The following ZDHHC2 variants were observed in gnomAD, a reference collection of about 807,000 sequenced individuals.
ZDHHC2 encodes the protein zDHHC palmitoyltransferase 2.
In ZDHHC2, 51 loss-of-function variants were observed where a neutral mutation model predicts 55.6. The observed-to-expected ratio is 0.92, with a 90% CI of 0.73 to 1.16. The LOEUF is 1.16. ZDHHC2 is among the 50% of genes most tolerant of loss of function. ZDHHC2 has a pLI of 0.00. For missense variants in ZDHHC2, 491 were observed against 442.4 expected, an observed-to-expected ratio of 1.11 and a Z score of -0.99; for synonymous variants, 199 against 152.9, an observed-to-expected ratio of 1.30 and a Z score of -2.22.
chr8:17,215,872 T>C (rs779446968), intron 11 of ZDHHC2, among the ~76,000 whole-genome samples: 3 of 152,214 alleles, frequency 2.0e-5, no homozygotes, highest in Non-Finnish European at 4.4e-5. Flanking sequence ...CTTCAGTCAG[T>C]GTAGTTTGTT....
At chr8:17,207,818 G>T in intron 7 of ZDHHC2, 142 bp from the exon 8 acceptor site, 1 of 604,802 alleles carries the variant, frequency 1.7e-6, no homozygotes, top group East Asian at 3.6e-5. Context: ...TTTTCCTAAA[G>T]TTTTAACATA....
intron 11 of ZDHHC2, 44 bp downstream of exon 11, chr8:17,215,393 T>A: frequency 6.7e-7 from 1 of 1,496,186 alleles, no homozygotes; most frequent in East Asian, 2.5e-5. Flanking sequence ...TATTTTATTT[T>A]TAGAAGGTAA....
chr8:17,221,264 G>A lies in ZDHHC2; in HGVS notation c.*1043G>A, dbSNP rs1426114000. 5 of 152,468 alleles carry A rather than the reference G, an allele frequency of 3.3e-5. No individual in the cohort carries two copies. The highest frequency in any genetic ancestry group is 3.3e-4 in the Admixed American group (5 of 15,264). 9.4% of individuals were successfully genotyped at this position (152,468 alleles called of 1,614,324 possible). A position where few individuals can be genotyped will look rare whatever the true frequency, so the allele number is the denominator to read the frequency against. The stretch of plus-strand genomic sequence containing the variant: ...AAATCATACAACTTTTGGAAAGTTA[G>A]TTCAACATGAACTAAAATGGCATGC... On this transcript the variant is annotated 3_prime_UTR_variant, in exon 13 of 13. Transcript: ENST00000262096.
chr8:17,170,427 A>T (rs989880296), intron 1 of ZDHHC2, among the ~76,000 whole-genome samples: 1 of 152,248 alleles, frequency 6.6e-6, no homozygotes, highest in Non-Finnish European at 1.5e-5. Flanking sequence ...TGTAGGAATT[A>T]CATCCTTATA....
intron 6 of ZDHHC2, among the ~76,000 whole-genome samples, chr8:17,200,068 T>C (rs1192762845): frequency 6.6e-6 from 1 of 152,128 alleles, no homozygotes; most frequent in Non-Finnish European, 1.5e-5. Flanking sequence ...GTCTTCTTAA[T>C]TCTCCTTACA....
Position 17,221,515 on chromosome 8 carries a change from CAACT to C in ZDHHC2, c.*1297_*1300del, listed in dbSNP as rs1299896741. 9.8e-5 allele frequency: 15 copies of C among 152,322 alleles called. No homozygotes were observed. The highest frequency in any genetic ancestry group is 3.4e-3 in the Middle Eastern group (1 of 292). 9.4% of individuals were successfully genotyped at this position (152,322 alleles called of 1,614,324 possible). A position where few individuals can be genotyped will look rare whatever the true frequency, so the allele number is the denominator to read the frequency against. On this transcript the variant is annotated 3_prime_UTR_variant, in exon 13 of 13. Transcript: ENST00000262096. The stretch of plus-strand genomic sequence containing the variant: ...AGCAGATTACCTTTTAAAACTGGAC[CAACT>C]AAGTAATTGGTATTTAATCAAAGAG...
intron 1 of ZDHHC2, among the ~76,000 whole-genome samples, chr8:17,181,063 G>C (rs776176710): frequency 6.6e-6 from 1 of 152,104 alleles, no homozygotes; most frequent in Non-Finnish European, 1.5e-5. Flanking sequence ...GATTACTTTC[G>C]CTTTTTTCAA....
rs1807238424 is a variant in ZDHHC2, at chr8:17,208,949, A to T, written c.730+857A>T. Among the ~76,000 whole-genome samples the T allele has an allele frequency of 2.0e-5, 3 of 152,302 alleles. No individual in the cohort carries two copies. In the South Asian group the frequency reaches 6.2e-4, roughly 32 times the overall value. ...TATCCTAGGATGAAGAATGCTAAGG[A>T]TCTTGCAAATGACCACATTTTTTCA... On this transcript the variant is annotated intron_variant, in intron 8 of 12. Coordinates refer to ENST00000262096, the MANE Select transcript of ZDHHC2 (RefSeq NM_016353.5).
At chr8:17,156,883 A>G in intron 1 of ZDHHC2, 30 bp downstream of exon 1, 2 of 1,472,316 alleles carry the variant, frequency 1.4e-6, no homozygotes, top group Non-Finnish European at 1.8e-6. Context: ...CGGCGCCCCC[A>G]GCGCAGCGCA....
chr8:17,210,289 G>C, intron 9 of ZDHHC2, 99 bp from the exon 10 acceptor site: 1 of 1,261,760 alleles, frequency 7.9e-7, no homozygotes. Context: ...TTTTTGCCTA[G>C]AGTATAGCAT....
At chr8:17,188,711 A>G (rs1399065002) in intron 3 of ZDHHC2, among the ~76,000 whole-genome samples, 2 of 152,180 alleles carry the variant, frequency 1.3e-5, no homozygotes, top group East Asian at 3.9e-4. Context: ...TCAGATTAAT[A>G]TATTAGCCTG....
intron 1 of ZDHHC2, among the ~76,000 whole-genome samples, chr8:17,161,467 A>G (rs1372664044): frequency 6.6e-6 from 1 of 152,218 alleles, no homozygotes; most frequent in East Asian, 1.9e-4. Flanking sequence ...GGTTTTGCCA[A>G]CTGTTTTAAA....
chr8:17,193,767 A>G (rs1402877723), intron 3 of ZDHHC2, among the ~76,000 whole-genome samples: 1 of 147,576 alleles, frequency 6.8e-6, no homozygotes, highest in Non-Finnish European at 1.5e-5. Flanking sequence ...TCAGTGGCTT[A>G]TTAGCATTTT....
intron 1 of ZDHHC2, among the ~76,000 whole-genome samples, chr8:17,164,981 G>A (rs1193643917): frequency 6.6e-6 from 1 of 152,208 alleles, no homozygotes; most frequent in African/African-American, 2.4e-5. Context: ...TCCTCTCAAA[G>A]AGCTGAATCA....
At chr8:17,179,200 A>AC (rs1253316719) in intron 1 of ZDHHC2, among the ~76,000 whole-genome samples, 11 of 151,916 alleles carry the variant, frequency 7.2e-5, no homozygotes, top group Admixed American at 7.2e-4. Flanking sequence ...CTATGCTCTC[A>AC]CCTTGGCCTC....
At position 17,220,422 on chromosome 8, in the gene ZDHHC2, A is replaced by G. The variant is rs1183257846; in HGVS notation, c.*201A>G. ...TGGATCCAATACACACATTGTTACAACTAACACAAATTCCTATTAAATATT... is the reference window on the plus strand; with the variant it reads ...TGGATCCAATACACACATTGTTACAGCTAACACAAATTCCTATTAAATATT... On this transcript the variant is annotated 3_prime_UTR_variant, in exon 13 of 13. Coordinates refer to ENST00000262096, the MANE Select transcript of ZDHHC2 (RefSeq NM_016353.5). 2 of 152,196 alleles carry G rather than the reference A, an allele frequency of 1.3e-5. No individual in the cohort carries two copies. Among genetic ancestry groups the G allele is most frequent in the Admixed American group, 6.5e-5 (1 of 15,276 alleles). The allele number at this position is 152,196 out of a possible 1,614,324, so 9.4% of individuals were successfully genotyped here.
At chr8:17,169,510 A>G (rs991273258) in intron 1 of ZDHHC2, among the ~76,000 whole-genome samples, 1 of 152,206 alleles carries the variant, frequency 6.6e-6, no homozygotes, top group Non-Finnish European at 1.5e-5. Context: ...GAAAGAACAT[A>G]TTAGCAGATG....
intron 3 of ZDHHC2, among the ~76,000 whole-genome samples, chr8:17,192,615 C>T (rs997725139): frequency 6.6e-6 from 1 of 152,126 alleles, no homozygotes; most frequent in Non-Finnish European, 1.5e-5. Flanking sequence ...TGTGCAAAAG[C>T]CTTTTAACTT....
In ZDHHC2 at chr8:17,223,233, G is replaced by A. The variant is rs529682806; in HGVS notation, c.*3012G>A. On this transcript the variant is annotated 3_prime_UTR_variant, in exon 13 of 13. Coordinates refer to ENST00000262096, the MANE Select transcript of ZDHHC2 (RefSeq NM_016353.5). ...TATGGTCAAATACTTGTTTGTAAAA[G>A]TGATGGTTCTGATACCTTTGATCAA... 1.3e-5 allele frequency: 2 copies of A among 151,990 alleles called. No homozygotes were observed. Among genetic ancestry groups the A allele is most frequent in the East Asian group, 3.9e-4 (2 of 5,182 alleles). 9.4% of individuals were successfully genotyped at this position (151,990 alleles called of 1,614,324 possible). A position where few individuals can be genotyped will look rare whatever the true frequency, so the allele number is the denominator to read the frequency against.
Sources: allele counts gnomAD v4.1 joint callset (sites outside exome capture counted in the v4.1 genomes callset), GRCh38; gene constraint gnomAD v4.1.1; transcripts MANE v1.5; gene names NCBI Gene and HGNC (gene_info 2026-07-23, HGNC 2026-07-21).